NEK7: variants seen among roughly 807,000 people sequenced by gnomAD.
NEK7 encodes the protein NIMA related kinase 7.
In NEK7, 18 loss-of-function variants were observed where a neutral mutation model predicts 44.6. The observed-to-expected ratio is 0.40, with a 90% CI of 0.28 to 0.60. NEK7 has a LOEUF of 0.60. NEK7 is among the 20% of genes least tolerant of loss of function. The pLI is 0.38. For synonymous variants in NEK7, 130 were observed against 121.1 expected, an observed-to-expected ratio of 1.07 and a Z score of -0.48; for missense variants, 256 against 366.5, an observed-to-expected ratio of 0.70 and a Z score of 2.46.
chr1:198,222,318 A>G (rs1014752367), intron 1 of NEK7, among the ~76,000 whole-genome samples: 12 of 151,902 alleles, frequency 7.9e-5, no homozygotes, highest in African/African-American at 2.4e-4. Context: ...TTAGGTGATA[A>G]ACAACTAATT....
At position 198,262,631 on chromosome 1, in the gene NEK7, TC is replaced by T. The variant is rs1349626849; in HGVS notation, c.256del (p.Lys87SerfsTer8). 6.3e-7 allele frequency: 1 copy of T among 1,577,054 alleles called. No individual in the cohort carries two copies. The highest frequency in any genetic ancestry group is 8.7e-7 in the Non-Finnish European group (1 of 1,152,526). On this transcript the variant is annotated frameshift_variant, in exon 4 of 10. Coordinates refer to ENST00000367385, the MANE Select transcript of NEK7 (RefSeq NM_133494.3). LOFTEE classifies it high-confidence loss of function. Reference protein sequence around the residue: ...RADCIKEIDLLKQLNHPNVIK... With the variant: ...RADCIKEIDLXKQLNHPNVIK... ...CTGATTGCATCAAAGAAATAGATCT[TC>T]TTAAGGTAATTAATGAACTGTTGAC...
chr1:198,280,192 T>C (rs1041352828), intron 7 of NEK7, among the ~76,000 whole-genome samples: 2 of 152,034 alleles, frequency 1.3e-5, no homozygotes, highest in Non-Finnish European at 2.9e-5. Flanking sequence ...TAAAGTTTTA[T>C]TGGGGAAGTT....
chr1:198,163,090 A>G (rs891802061), intron 1 of NEK7, among the ~76,000 whole-genome samples: 2 of 152,172 alleles, frequency 1.3e-5, no homozygotes, highest in Non-Finnish European at 2.9e-5. Flanking sequence ...TCCTTATATT[A>G]TGGTTGGAAA....
chr1:198,161,706 T>C (rs183748413), intron 1 of NEK7, among the ~76,000 whole-genome samples: 11 of 152,272 alleles, frequency 7.2e-5, no homozygotes, highest in Non-Finnish European at 4.4e-5. Flanking sequence ...TTCACCATTC[T>C]TTGCTTCTGG....
intron 1 of NEK7, among the ~76,000 whole-genome samples, chr1:198,225,310 T>C (rs1484956203): frequency 1.4e-5 from 2 of 148,022 alleles, no homozygotes; most frequent in African/African-American, 2.5e-5. Flanking sequence ...ATAAGTTAAA[T>C]AGAAAAGGGA....
chr1:198,256,416 A>G, intron 3 of NEK7: 1 of 1,611,928 alleles, frequency 6.2e-7, no homozygotes, highest in Non-Finnish European at 8.5e-7. Context: ...GAGAGCCTAC[A>G]GTATATGGCA....
intron 1 of NEK7, among the ~76,000 whole-genome samples, chr1:198,218,080 T>A (rs1665976696): frequency 6.6e-6 from 1 of 151,900 alleles, no homozygotes; most frequent in South Asian, 2.1e-4. Flanking sequence ...AATCCTCAAA[T>A]TTATATGGAA....
chr1:198,314,813 G>A (rs1250040288), intron 9 of NEK7, among the ~76,000 whole-genome samples: 2 of 152,160 alleles, frequency 1.3e-5, no homozygotes, highest in African/African-American at 2.4e-5. Flanking sequence ...GCTGCCTGCT[G>A]GGAGAACCAC....
In NEK7 at chr1:198,231,336, TAA is replaced by T. The variant is rs1491467818; in HGVS notation, c.-28-1213_-28-1212del. Among the ~76,000 whole-genome samples the T allele has an allele frequency of 1.1e-3, 149 of 132,814 alleles. 1 individual carries two copies. Among genetic ancestry groups the T allele is most frequent in the African/African-American group, 2.8e-3 (98 of 34,418 alleles). 87.1% of individuals were successfully genotyped at this position (132,814 alleles called of 152,430 possible). The stretch of plus-strand genomic sequence containing the variant: ...ATATATATATATATATATATATATA[TAA>T]AAACACATGATCATTTGGTATATGA... On this transcript the variant is annotated intron_variant, in intron 1 of 9. Transcript: ENST00000367385.
chr1:198,205,861 AT>A (rs1553249575), intron 1 of NEK7, among the ~76,000 whole-genome samples: 31 of 152,120 alleles, frequency 2.0e-4, no homozygotes, highest in Admixed American at 2.0e-3. Flanking sequence ...GTTTAAAAAA[AT>A]TTTTTTAATG....
intron 1 of NEK7, among the ~76,000 whole-genome samples, chr1:198,187,975 C>A (rs542812828): frequency 6.6e-6 from 1 of 152,316 alleles, no homozygotes; most frequent in South Asian, 2.1e-4. Context: ...TCTATAGAGG[C>A]ACTTCTGGTT....
At chr1:198,271,847 A>G (rs1021566985) in intron 5 of NEK7, among the ~76,000 whole-genome samples, 3 of 150,094 alleles carry the variant, frequency 2.0e-5, no homozygotes, top group Non-Finnish European at 4.4e-5. Context: ...GCACTATCTG[A>G]AAAAACTACC....
intron 1 of NEK7, among the ~76,000 whole-genome samples, chr1:198,201,847 A>G (rs72751018): frequency 0.046 from 7,038 of 152,316 alleles, 260 homozygotes; most frequent in Middle Eastern, 0.072. Context: ...TAGTGACCAT[A>G]AACAAGAAAC....
At chr1:198,209,880 G>C (rs1335974436) in intron 1 of NEK7, among the ~76,000 whole-genome samples, 2 of 152,012 alleles carry the variant, frequency 1.3e-5, no homozygotes, top group African/African-American at 4.8e-5. Context: ...GCAGGGGCGT[G>C]ATCTCGACTT....
At chr1:198,189,584 A>G (rs776988545) in intron 1 of NEK7, among the ~76,000 whole-genome samples, 4 of 152,184 alleles carry the variant, frequency 2.6e-5, no homozygotes, top group Non-Finnish European at 5.9e-5. Context: ...CAAATATGTC[A>G]TGACCCACTT....
At chr1:198,176,056 G>A (rs1005844046) in intron 1 of NEK7, among the ~76,000 whole-genome samples, 2 of 152,184 alleles carry the variant, frequency 1.3e-5, no homozygotes, top group Admixed American at 6.5e-5. Flanking sequence ...TCGAAAGCAG[G>A]TGCTCATGTG....
chr1:198,283,493 C>T (rs997901), intron 7 of NEK7, among the ~76,000 whole-genome samples: 14,832 of 152,026 alleles, frequency 0.098, 1,021 homozygotes, highest in South Asian at 0.26. Context: ...CCTTATCCTC[C>T]TCCCACCTTC....
chr1:198,161,943 T>C (rs1664118155), intron 1 of NEK7, among the ~76,000 whole-genome samples: 1 of 152,064 alleles, frequency 6.6e-6, no homozygotes, highest in African/African-American at 2.4e-5. Context: ...ATTTTTGACA[T>C]AAGCAAGGGG....
At chr1:198,183,412 A>G (rs530379214) in intron 1 of NEK7, among the ~76,000 whole-genome samples, 1 of 152,318 alleles carries the variant, frequency 6.6e-6, no homozygotes, top group South Asian at 2.1e-4. Flanking sequence ...AAAGATTGTG[A>G]AGAATCATCA....
Sources: allele counts gnomAD v4.1 joint callset (sites outside exome capture counted in the v4.1 genomes callset), GRCh38; gene constraint gnomAD v4.1.1; transcripts MANE v1.5; gene names NCBI Gene and HGNC (gene_info 2026-07-23, HGNC 2026-07-21).